The following FOXK2 variants were observed in gnomAD, a reference collection of about 807,000 sequenced individuals.
The protein encoded by FOXK2 is forkhead box protein K2.
FOXK2 carries 24 observed loss-of-function variants against 53.3 expected under a neutral mutation model. The ratio of observed to expected loss-of-function variants is 0.45; its 90% CI spans 0.33 to 0.63. The LOEUF is 0.63. FOXK2 is among the 30% of genes least tolerant of loss of function. The pLI is 0.03. For missense variants in FOXK2, 952 were observed against 910.5 expected, an observed-to-expected ratio of 1.05 and a Z score of -0.59; for synonymous variants, 505 against 407.1, an observed-to-expected ratio of 1.24 and a Z score of -2.89.
intron 8 of FOXK2, among the ~76,000 whole-genome samples, chr17:82,598,564 T>C (rs1434547906): frequency 6.6e-6 from 1 of 152,250 alleles, no homozygotes; most frequent in Non-Finnish European, 1.5e-5. Context: ...AAGGGCCTTC[T>C]TCCTGTGTGC....
At chr17:82,578,515 TC>T (rs1272559646) in intron 4 of FOXK2, 1 of 152,202 alleles carries the variant, frequency 6.6e-6, no homozygotes, top group African/African-American at 2.4e-5. Context: ...TGAAGGAACA[TC>T]CATCCTGGGT....
chr17:82,548,014 T>G (rs575888354), intron 1 of FOXK2, among the ~76,000 whole-genome samples: 2 of 152,348 alleles, frequency 1.3e-5, no homozygotes, highest in East Asian at 3.9e-4. Flanking sequence ...TACCCCCATT[T>G]GTGGATCCAT....
At chr17:82,525,779 A>C (rs925416365) in intron 1 of FOXK2, among the ~76,000 whole-genome samples, 2 of 152,240 alleles carry the variant, frequency 1.3e-5, no homozygotes, top group Non-Finnish European at 2.9e-5. Flanking sequence ...AACGTGCTAA[A>C]TTAAAACTCT....
chr17:82,521,937 A>G, intron 1 of FOXK2, among the ~76,000 whole-genome samples: 1 of 149,686 alleles, frequency 6.7e-6, no homozygotes. Context: ...CTCCGCCTCA[A>G]AAAAAAAAAA....
intron 2 of FOXK2, among the ~76,000 whole-genome samples, chr17:82,565,018 C>T (rs2044838974): frequency 6.6e-6 from 1 of 152,174 alleles, no homozygotes; most frequent in East Asian, 1.9e-4. Context: ...GCGTGAGCCA[C>T]CACGCCTGGC....
chr17:82,529,218 C>CT (rs753569022), intron 1 of FOXK2, among the ~76,000 whole-genome samples: 29,922 of 90,700 alleles, frequency 0.33, 5,760 homozygotes, highest in South Asian at 0.4. Flanking sequence ...TTGAAAGCGC[C>CT]TTTTTTTTTT....
chr17:82,528,736 T>C (rs996547356), intron 1 of FOXK2, among the ~76,000 whole-genome samples: 4 of 152,214 alleles, frequency 2.6e-5, no homozygotes, highest in African/African-American at 7.2e-5. Context: ...AGAGTGCACA[T>C]TGGGCTTCAA....
At chr17:82,521,374 A>G (rs2044359923) in intron 1 of FOXK2, among the ~76,000 whole-genome samples, 1 of 148,772 alleles carries the variant, frequency 6.7e-6, no homozygotes, top group African/African-American at 2.5e-5. Flanking sequence ...GGGTTTCACC[A>G]TCTTGGCCAG....
chr17:82,544,117 T>G (rs558858083), intron 1 of FOXK2, among the ~76,000 whole-genome samples: 4 of 152,198 alleles, frequency 2.6e-5, no homozygotes, highest in Non-Finnish European at 5.9e-5. Context: ...CTCACTATGT[T>G]GCACAAGCTG....
intron 1 of FOXK2, among the ~76,000 whole-genome samples, chr17:82,549,567 TGGG>T (rs1457527940): frequency 6.9e-6 from 1 of 144,682 alleles, no homozygotes; most frequent in Admixed American, 6.9e-5. Context: ...AAATGGGAGA[TGGG>T]GGGCAAAACC....
Position 82,525,598 on chromosome 17 carries a change from T to C in FOXK2, c.419+5291T>C, listed in dbSNP as rs541743056. The stretch of plus-strand genomic sequence containing the variant: ...TTTGTTGTTGCTATTTTTGTTGCCA[T>C]GGTAACAAACTAAGTATAATTTATG... On this transcript the variant is annotated intron_variant, in intron 1 of 8. Coordinates refer to ENST00000335255, the MANE Select transcript of FOXK2 (RefSeq NM_004514.4). Among the ~76,000 whole-genome samples the C allele has an allele frequency of 1.4e-4, 21 of 152,300 alleles. No individual in the cohort carries two copies. The East Asian group carries it at 2.3e-3, about 17-fold the overall frequency.
At chr17:82,544,931 T>TCTGTTG (rs2044609665) in intron 1 of FOXK2, among the ~76,000 whole-genome samples, 1 of 151,964 alleles carries the variant, frequency 6.6e-6, no homozygotes, top group African/African-American at 2.4e-5. Context: ...CATGGTGTGC[T>TCTGTTG]CTGTTGCTCT....
chr17:82,582,204 C>T (rs1024214518), intron 4 of FOXK2, among the ~76,000 whole-genome samples: 15 of 152,216 alleles, frequency 9.9e-5, no homozygotes, highest in Non-Finnish European at 1.5e-4. Flanking sequence ...ATTGCCTCCA[C>T]CTGGAATGCT....
In FOXK2 at chr17:82,595,911, C is replaced by T. The variant is rs1017141368; in HGVS notation, c.1787-5392C>T. ...AAGAGCAAAGCCTTTTCCGGCAGCC[C>T]GGAACCTGGGATGAGAAACGACAGG... On this transcript the variant is annotated intron_variant, in intron 8 of 8. Coordinates refer to ENST00000335255, the MANE Select transcript of FOXK2 (RefSeq NM_004514.4). 1.6e-5 allele frequency: 21 copies of T among 1,273,658 alleles called. No homozygotes were observed. In the Admixed American group the frequency reaches 1.9e-4, roughly 12 times the overall value. The allele number at this position is 1,273,658 out of a possible 1,614,324, so 78.9% of individuals were successfully genotyped here.
intron 1 of FOXK2, among the ~76,000 whole-genome samples, chr17:82,523,471 CTT>C (rs368793665): frequency 1.3e-4 from 18 of 140,166 alleles, no homozygotes; most frequent in Middle Eastern, 3.8e-3. Flanking sequence ...TGTTTAAAAT[CTT>C]TTTTTTTTTT....
At chr17:82,522,103 A>G (rs894785559) in intron 1 of FOXK2, among the ~76,000 whole-genome samples, 5 of 126,300 alleles carry the variant, frequency 4.0e-5, no homozygotes, top group African/African-American at 1.6e-4. Context: ...GTTTGCGTCT[A>G]CTGTGAGGAT....
chr17:82,561,464 C>A (rs542173075), intron 1 of FOXK2, among the ~76,000 whole-genome samples: 1 of 152,006 alleles, frequency 6.6e-6, no homozygotes. Flanking sequence ...CCTTGAACAT[C>A]GGGCGGTAAA....
chr17:82,585,979 A>G lies in FOXK2; in HGVS notation c.1355A>G (p.Tyr452Cys), dbSNP rs2045135274. The change falls in exon 7 of 9, where the codon TAC becomes TGC. Residue 452 changes from tyrosine to cysteine, a missense_variant. Physicochemically the swap from Tyr to Cys is radical, Grantham distance 194 (BLOSUM62 -2). Transcript: ENST00000335255. ...CCACAGGCCATCAAGCCTGTCACCT[A>G]CACTGTGGCCACCCCAGTGACCACC... The part of the protein sequence containing the change: ...QLPQAIKPVT[Y>C]TVATPVTTST... 1 of 1,612,590 alleles carries G rather than the reference A, an allele frequency of 6.2e-7. No individual in the cohort carries two copies. Among genetic ancestry groups the G allele is most frequent in the Non-Finnish European group, 8.5e-7 (1 of 1,179,926 alleles).
intron 1 of FOXK2, among the ~76,000 whole-genome samples, chr17:82,537,707 C>T (rs1440436672): frequency 7.3e-5 from 11 of 150,022 alleles, no homozygotes; most frequent in Non-Finnish European, 1.3e-4. Context: ...GGGCAGGTCA[C>T]GAGGTCAAGA....
Sources: allele counts gnomAD v4.1 joint callset (sites outside exome capture counted in the v4.1 genomes callset), GRCh38; gene constraint gnomAD v4.1.1; transcripts MANE v1.5; gene names NCBI Gene and HGNC (gene_info 2026-07-23, HGNC 2026-07-21).